The following HOPX variants were observed in gnomAD, a reference collection of about 807,000 sequenced individuals.
HOPX encodes the protein homeodomain-only protein.
In HOPX, 5 loss-of-function variants were observed where a neutral mutation model predicts 11.8. That is an observed-to-expected ratio of 0.43 (90% confidence interval 0.22 to 0.89). HOPX has a LOEUF of 0.89. Ranked by LOEUF, HOPX falls within the 40% of genes least tolerant of loss-of-function variation. The pLI is 0.28. For missense variants in HOPX, 119 were observed against 120.0 expected (o/e 0.99, Z 0.04); for synonymous variants, 49 against 49.7 (o/e 0.99, Z 0.06).
chr4:56,681,513 C>A (rs1399891415), upstream of HOPX: 3 of 999,018 alleles, frequency 3.0e-6, no homozygotes, highest in Admixed American at 6.1e-5. Context: ...TCTCATGGAA[C>A]TTTCTCGTCA....
At chr4:56,660,937 C>T (rs1718081800) in intron 1 of HOPX, among the ~76,000 whole-genome samples, 1 of 152,090 alleles carries the variant, frequency 6.6e-6, no homozygotes, top group African/African-American at 2.4e-5. Context: ...TTGTGTTAAT[C>T]ATTCCTTTGC....
rs375796243 is a variant in HOPX, at chr4:56,661,971, G to A, written c.-83-4072C>T. On this transcript the variant is annotated intron_variant, in intron 1 of 3. Transcript: ENST00000420433. ...ACAGAACTCCTGGGAGTCAGGATTT[G>A]ATTTTGTGCTTTAAAATATGTTAGC... Among the ~76,000 whole-genome samples the A allele has an allele frequency of 7.9e-5, 12 of 152,276 alleles. No homozygotes were observed. The East Asian group carries it at 1.7e-3, about 22-fold the overall frequency.
At chr4:56,660,737 C>T (rs1375685038) in intron 1 of HOPX, among the ~76,000 whole-genome samples, 3 of 152,062 alleles carry the variant, frequency 2.0e-5, no homozygotes, top group Non-Finnish European at 2.9e-5. Flanking sequence ...TTCATGCAAA[C>T]ATGATTAGGT....
chr4:56,668,012 C>T (rs1297821560), intron 1 of HOPX, among the ~76,000 whole-genome samples: 11 of 152,150 alleles, frequency 7.2e-5, no homozygotes, highest in Non-Finnish European at 4.4e-5. Context: ...GCAACCTCCG[C>T]CTCCCAGTTT....
intron 1 of HOPX, among the ~76,000 whole-genome samples, chr4:56,670,673 G>C (rs776175502): frequency 1.3e-5 from 2 of 152,184 alleles, no homozygotes; most frequent in Non-Finnish European, 2.9e-5. Flanking sequence ...AAGCTTAAAT[G>C]ATGATAGAAA....
intron 1 of HOPX, chr4:56,664,447 T>C (rs1345953890): frequency 6.6e-6 from 1 of 152,220 alleles, no homozygotes; most frequent in African/African-American, 2.4e-5. Context: ...GATATTACTA[T>C]TAAATAGCTA....
chr4:56,666,121 G>A (rs1718426198), intron 1 of HOPX, among the ~76,000 whole-genome samples: 1 of 152,156 alleles, frequency 6.6e-6, no homozygotes, highest in Non-Finnish European at 1.5e-5. Context: ...TAGCTCAATG[G>A]ATTAGCCAGT....
At chr4:56,657,684 A>C in intron 2 of HOPX, 91 bp downstream of exon 2, 1 of 723,168 alleles carries the variant, frequency 1.4e-6, no homozygotes, top group Non-Finnish European at 2.6e-6. Context: ...AGAGGGTCAT[A>C]CCAGGTCAGA....
At chr4:56,679,135 G>C (rs1264491794) in intron 1 of HOPX, 1 of 152,306 alleles carries the variant, frequency 6.6e-6, no homozygotes, top group Non-Finnish European at 1.5e-5. Context: ...CCAGCTACTT[G>C]GGAGGCTGAG....
At chr4:56,650,721 G>A in intron 3 of HOPX, 1 of 1,551,696 alleles carries the variant, frequency 6.4e-7, no homozygotes, top group Non-Finnish European at 8.7e-7. Flanking sequence ...GTAATCGAAA[G>A]CCAAGCACGG....
At chr4:56,648,872 A>G (rs1240237143) in intron 3 of HOPX, 75 bp from the exon 4 acceptor site, 30 of 1,165,756 alleles carry the variant, frequency 2.6e-5, no homozygotes, top group Non-Finnish European at 3.6e-5. Flanking sequence ...TCTAAAAGGT[A>G]GCCTCTGTGG....
chr4:56,660,025 C>A (rs1020858537), intron 1 of HOPX, among the ~76,000 whole-genome samples: 20 of 152,130 alleles, frequency 1.3e-4, no homozygotes, highest in Non-Finnish European at 2.8e-4. Flanking sequence ...TGAAATAAAA[C>A]CCTTTTAAAA....
At chr4:56,669,251 T>G (rs910885916) in intron 1 of HOPX, among the ~76,000 whole-genome samples, 1 of 151,482 alleles carries the variant, frequency 6.6e-6, no homozygotes, top group African/African-American at 2.4e-5. Flanking sequence ...CTGAACACTT[T>G]GTGCCTAGTT....
rs1717675374 is a variant in HOPX, at chr4:56,656,003, TC to T, written c.51del (p.Thr18ProfsTer86). ...CYRRRLEERA[G>X]TMSAETASGP... ...CCGCTCGCGGTCTCCGCCGACATGG[TC>T]CCTGCGCGCTGCGGGGCAGGGAGAA... On this transcript the variant is annotated frameshift_variant, in exon 3 of 4. Transcript: ENST00000420433. LOFTEE classifies it high-confidence loss of function. 1 of 1,593,494 alleles carries T rather than the reference TC, an allele frequency of 6.3e-7. No individual in the cohort carries two copies. Among genetic ancestry groups the T allele is most frequent in the Non-Finnish European group, 8.5e-7 (1 of 1,170,514 alleles).
intron 1 of HOPX, chr4:56,672,788 C>A (rs962742761): frequency 6.6e-6 from 1 of 151,854 alleles, no homozygotes; most frequent in East Asian, 1.9e-4. Context: ...AGCCACCGCA[C>A]CCAGCCTGAC....
chr4:56,660,816 G>A (rs1230984135), intron 1 of HOPX, among the ~76,000 whole-genome samples: 2 of 152,010 alleles, frequency 1.3e-5, no homozygotes, highest in South Asian at 2.1e-4. Flanking sequence ...GGTGAACCCC[G>A]CTCAATTTAA....
intron 3 of HOPX, among the ~76,000 whole-genome samples, chr4:56,655,146 T>C (rs553891911): frequency 6.6e-6 from 1 of 152,286 alleles, no homozygotes; most frequent in East Asian, 1.9e-4. Flanking sequence ...GCCGCTGCCG[T>C]CAGCTGAAAT....
In HOPX at chr4:56,648,656, T is replaced by G; in HGVS notation, c.*64A>C. The G allele has an allele frequency of 8.1e-7, 1 of 1,239,804 alleles. No individual in the cohort carries two copies. The highest frequency in any genetic ancestry group is 1.3e-5 in the South Asian group (1 of 77,074). The allele number at this position is 1,239,804 out of a possible 1,614,324, so 76.8% of individuals were successfully genotyped here. On this transcript the variant is annotated 3_prime_UTR_variant, in exon 4 of 4. Coordinates refer to ENST00000420433, the MANE Select transcript of HOPX (RefSeq NM_032495.6). ...ATGCTGAAAAACCACAACAGCTTGG[T>G]TAAGCGGAGGAGAGAAACAGAGATG... is the stretch of plus-strand genomic sequence containing the variant.
chr4:56,675,387 C>T (rs962723045), intron 1 of HOPX, among the ~76,000 whole-genome samples: 2 of 151,478 alleles, frequency 1.3e-5, no homozygotes, highest in Admixed American at 1.3e-4. Flanking sequence ...TTGCTCAGGC[C>T]AGGTATTTTT....
Sources: allele counts gnomAD v4.1 joint callset (sites outside exome capture counted in the v4.1 genomes callset), GRCh38; gene constraint gnomAD v4.1.1; transcripts MANE v1.5; gene names NCBI Gene and HGNC (gene_info 2026-07-23, HGNC 2026-07-21).